PRR16: variants seen among roughly 807,000 people sequenced by gnomAD.
The protein encoded by PRR16 is proline rich 16.
PRR16 carries 6 observed loss-of-function variants against 18.2 expected under a neutral mutation model. The observed-to-expected ratio is 0.33, with a 90% confidence interval of 0.18 to 0.65. The LOEUF is 0.65. PRR16 is among the 30% of genes least tolerant of loss of function. The pLI, the probability that PRR16 is intolerant of heterozygous loss-of-function variation, is 0.74. For missense variants in PRR16, 412 were observed against 376.6 expected (o/e 1.09, Z -0.78); for synonymous variants, 151 against 147.8 (o/e 1.02, Z -0.16).
At chr5:120,667,760 C>G (rs920021889) in intron 1 of PRR16, among the ~76,000 whole-genome samples, 2 of 152,002 alleles carry the variant, frequency 1.3e-5, no homozygotes, top group Non-Finnish European at 1.5e-5. Flanking sequence ...TGTAGTTGAG[C>G]GGTTTTGAGA....
chr5:120,673,517 A>G (rs1201154375), intron 1 of PRR16, among the ~76,000 whole-genome samples: 3 of 152,198 alleles, frequency 2.0e-5, no homozygotes, highest in African/African-American at 7.2e-5. Context: ...ATCTTGTGTA[A>G]TTTTTAAAGG....
chr5:120,596,466 T>C (rs952335881), intron 1 of PRR16, among the ~76,000 whole-genome samples: 1 of 151,824 alleles, frequency 6.6e-6, no homozygotes, highest in Non-Finnish European at 1.5e-5. Context: ...TTTAATTACT[T>C]TCGTTTTTCT....
At chr5:120,590,338 C>T (rs1753591587) in intron 1 of PRR16, among the ~76,000 whole-genome samples, 1 of 152,036 alleles carries the variant, frequency 6.6e-6, no homozygotes. Flanking sequence ...GTTATTTTTG[C>T]ACTTGATTTA....
the PRR16 span, among the ~76,000 whole-genome samples, chr5:120,746,084 T>C: frequency 2.0e-5 from 3 of 152,068 alleles, no homozygotes; most frequent in African/African-American, 7.2e-5. Context: ...CTGTCATCTT[T>C]AGAGGCTTGT....
chr5:120,544,268 A>G (rs76678581), intron 1 of PRR16, among the ~76,000 whole-genome samples: 7,640 of 152,246 alleles, frequency 0.05, 243 homozygotes, highest in East Asian at 0.1. Flanking sequence ...CTTTCAAAGG[A>G]TGCTACACAA....
intron 1 of PRR16, among the ~76,000 whole-genome samples, chr5:120,642,317 C>T (rs1755448867): frequency 6.6e-6 from 1 of 151,738 alleles, no homozygotes; most frequent in South Asian, 2.1e-4. Flanking sequence ...GCAGAAACCT[C>T]ATTCAAAAGA....
At chr5:120,508,513 G>A (rs1192832988) in intron 1 of PRR16, among the ~76,000 whole-genome samples, 4 of 152,006 alleles carry the variant, frequency 2.6e-5, no homozygotes, top group South Asian at 4.1e-4. Context: ...TTCTTCAGAC[G>A]GGTAACAACC....
At chr5:120,477,711 C>A (rs1749486851) in intron 1 of PRR16, among the ~76,000 whole-genome samples, 1 of 152,154 alleles carries the variant, frequency 6.6e-6, no homozygotes, top group African/African-American at 2.4e-5. Flanking sequence ...AGCTTTGAGG[C>A]CTTTCACAGT....
rs1749011297 is a variant in PRR16 at position 120,464,492 on chromosome 5, A to G, written c.6A>G (p.Ser2=). Residue 2 remains serine (S), a synonymous_variant, in exon 1 of 2, where the codon TCA becomes TCG. Transcript: ENST00000407149. M[S]AKSKGNPSSS... The stretch of plus-strand genomic sequence containing the variant: ...GCCTCGCTTGCCCCCAAAGAATGTC[A>G]GCCAAGTCCAAGGGGAACCCCTCCT... 8 of 1,588,130 alleles carry G rather than the reference A, an allele frequency of 5.0e-6. No homozygotes were observed. In the East Asian group the frequency reaches 1.6e-4, roughly 31 times the overall value.
At chr5:120,773,159 C>A in the PRR16 span, among the ~76,000 whole-genome samples, 2 of 152,204 alleles carry the variant, frequency 1.3e-5, no homozygotes, top group Admixed American at 6.6e-5. Context: ...AAGACTCTTA[C>A]CCAGTGTCAG....
intron 1 of PRR16, among the ~76,000 whole-genome samples, chr5:120,618,927 T>G (rs1005534979): frequency 6.6e-6 from 1 of 152,002 alleles, no homozygotes; most frequent in African/African-American, 2.4e-5. Flanking sequence ...CAAGACATAG[T>G]GTCCATGTAT....
At chr5:120,562,790 C>T (rs1265059832) in intron 1 of PRR16, among the ~76,000 whole-genome samples, 1 of 152,174 alleles carries the variant, frequency 6.6e-6, no homozygotes, top group African/African-American at 2.4e-5. Flanking sequence ...CACCTTAACT[C>T]TGTTCATCTG....
At chr5:120,525,277 C>G (rs1360398526) in intron 1 of PRR16, among the ~76,000 whole-genome samples, 2 of 152,070 alleles carry the variant, frequency 1.3e-5, no homozygotes, top group African/African-American at 4.8e-5. Flanking sequence ...TTCTTTCATT[C>G]TTAATGACTA....
the PRR16 span, among the ~76,000 whole-genome samples, chr5:120,729,956 C>T: frequency 6.6e-6 from 1 of 152,030 alleles, no homozygotes; most frequent in Admixed American, 6.6e-5. Flanking sequence ...CTCACAGTAC[C>T]TCAAAAATGC....
rs551570848 is a variant in PRR16, at chr5:120,522,171, C to G, written c.159+57526C>G. Among the ~76,000 whole-genome samples the G allele has an allele frequency of 1.9e-3, 288 of 152,280 alleles. 1 individual carries two copies. Among genetic ancestry groups the G allele is most frequent in the Admixed American group, 3.2e-3 (49 of 15,294 alleles). ...CTTTATAGCAGCATGATTTATAATC[C>G]TTTGGGTATATACCCAGTAATGAGA... On this transcript the variant is annotated intron_variant, in intron 1 of 1. Transcript: ENST00000407149.
the PRR16 span, among the ~76,000 whole-genome samples, chr5:120,739,743 T>A: frequency 6.6e-6 from 1 of 152,164 alleles, no homozygotes; most frequent in African/African-American, 2.4e-5. Flanking sequence ...TAGCACAAAT[T>A]ATCAATTTAA....
intron 1 of PRR16, among the ~76,000 whole-genome samples, chr5:120,598,954 A>G (rs185840349): frequency 2.6e-5 from 4 of 151,928 alleles, no homozygotes; most frequent in Admixed American, 2.0e-4. Context: ...TAATTTCTTT[A>G]TATTATAGGT....
At chr5:120,778,872 G>C in the PRR16 span, among the ~76,000 whole-genome samples, 5 of 152,124 alleles carry the variant, frequency 3.3e-5, no homozygotes, top group Admixed American at 3.3e-4. Flanking sequence ...TTTTATGGCT[G>C]AAAAGCATCA....
chr5:120,785,403 C>A, the PRR16 span, among the ~76,000 whole-genome samples: 1 of 151,968 alleles, frequency 6.6e-6, no homozygotes, highest in Admixed American at 6.6e-5. Flanking sequence ...CTCATCATGA[C>A]GCCTTATTTC....
Sources: allele counts gnomAD v4.1 joint callset (sites outside exome capture counted in the v4.1 genomes callset), GRCh38; gene constraint gnomAD v4.1.1; transcripts MANE v1.5; gene names NCBI Gene and HGNC (gene_info 2026-07-23, HGNC 2026-07-21).